Variants in GNB1L observed in about 807,000 individuals in gnomAD.
The protein encoded by GNB1L is G protein subunit beta 1 like, also known as guanine nucleotide-binding protein subunit beta-like protein 1.
A neutral mutation model predicts 29.1 loss-of-function variants in GNB1L; 20 were observed. That is an observed-to-expected ratio of 0.69 (90% confidence interval 0.48 to 1.00). GNB1L has a LOEUF of 1.00. Ranked by LOEUF, GNB1L falls within the 50% of genes least tolerant of loss-of-function variation. The probability of loss-of-function intolerance (pLI) is 0.00; values close to 1 mark genes in which losing one functional copy is unlikely to be tolerated. For synonymous variants in GNB1L, 193 were observed against 206.5 expected, an observed-to-expected ratio of 0.93 and a Z score of 0.56; for missense variants, 421 against 464.9, an observed-to-expected ratio of 0.91 and a Z score of 0.87.
intron 2 of GNB1L, among the ~76,000 whole-genome samples, chr22:19,824,413 G>A (rs961057646): frequency 7.9e-5 from 12 of 152,200 alleles, no homozygotes; most frequent in Admixed American, 3.9e-4. Flanking sequence ...CTGTCCTCCC[G>A]GAGGCAAAGG....
intron 5 of GNB1L, 55 bp downstream of exon 5, chr22:19,812,230 G>A: frequency 1.3e-6 from 2 of 1,560,124 alleles, no homozygotes; most frequent in South Asian, 1.2e-5. Flanking sequence ...ATCAAATGCA[G>A]AGGATGAGCA....
At chr22:19,838,740 T>A (rs1373825148) in intron 2 of GNB1L, among the ~76,000 whole-genome samples, 1 of 152,208 alleles carries the variant, frequency 6.6e-6, no homozygotes, top group Non-Finnish European at 1.5e-5. Flanking sequence ...ATTACAGGCA[T>A]GAACCACTGT....
chr22:19,852,704 GAAGAA>G lies in GNB1L; in HGVS notation c.-21+1734_-21+1738del, dbSNP rs371335016. Among the ~76,000 whole-genome samples, 19 of 152,314 alleles carry G rather than the reference GAAGAA, an allele frequency of 1.2e-4. No homozygotes were observed. The East Asian group carries it at 3.7e-3, about 29-fold the overall frequency. On this transcript the variant is annotated intron_variant, in intron 2 of 7. Coordinates refer to ENST00000329517, the MANE Select transcript of GNB1L (RefSeq NM_053004.3). ...AGAATGACAGATGCTGTCAATTTCA[GAAGAA>G]AAGGGGCCAGATCAGAACTGTCAGG...
chr22:19,822,977 T>G (rs769451452), intron 2 of GNB1L, among the ~76,000 whole-genome samples: 1 of 151,676 alleles, frequency 6.6e-6, no homozygotes, highest in African/African-American at 2.4e-5. Flanking sequence ...TCCTGCAGAG[T>G]GGAGGGTGGA....
At position 19,816,220 on chromosome 22, in the gene GNB1L, C is replaced by T. The variant is rs1372011347; in HGVS notation, c.255-3773G>A. On this transcript the variant is annotated intron_variant, in intron 4 of 7. Coordinates refer to ENST00000329517, the MANE Select transcript of GNB1L (RefSeq NM_053004.3). This position sits in a 1 kb window ranked among gnomAD's most constrained non-coding sequence, Gnocchi z 4.4. ...GGGGACGAGGCCCAGGCCCATATTC[C>T]TCAGATGACACCAGTCGTCACGCTG... Among the ~76,000 whole-genome samples the T allele has an allele frequency of 6.6e-6, 1 of 152,216 alleles. No individual in the cohort carries two copies. The highest frequency in any genetic ancestry group is 1.5e-5 in the Non-Finnish European group (1 of 68,038).
At chr22:19,851,307 G>A in intron 2 of GNB1L, 1 of 1,614,026 alleles carries the variant, frequency 6.2e-7, no homozygotes, top group Non-Finnish European at 8.5e-7. Context: ...GGACCTCCTG[G>A]ATGAGCTGGG....
intron 6 of GNB1L, 109 bp from the exon 7 acceptor site, chr22:19,802,325 T>G: frequency 1.2e-6 from 1 of 812,466 alleles, no homozygotes; most frequent in Non-Finnish European, 2.0e-6. Flanking sequence ...CTGGGGCTGT[T>G]TCCCATGTCT....
In GNB1L at chr22:19,812,288, G is replaced by GTCGCTGCCCC; in HGVS notation, c.404_413dup (p.Asp138GlufsTer52). ...CCTCAGGCAGGCTGGCTCTCACCTC[G>GTCGCTGCCCC]TCGCTGCCCCTCCCTGGCACGGCAA... On this transcript the variant is annotated frameshift_variant, in exon 5 of 8. Transcript: ENST00000329517. LOFTEE classifies it high-confidence loss of function. 2 of 1,612,158 alleles carry GTCGCTGCCCC rather than the reference G, an allele frequency of 1.2e-6. No homozygotes were observed. The highest frequency in any genetic ancestry group is 8.5e-7 in the Non-Finnish European group (1 of 1,179,454).
At chr22:19,800,418 CTG>C (rs984140630) in intron 7 of GNB1L, among the ~76,000 whole-genome samples, 14 of 152,326 alleles carry the variant, frequency 9.2e-5, no homozygotes, top group African/African-American at 3.4e-4. Context: ...CAAGTGAACA[CTG>C]GACCCCATGG....
intron 7 of GNB1L, chr22:19,792,800 C>T (rs1001812049): frequency 6.6e-6 from 9 of 1,363,090 alleles, no homozygotes; most frequent in Non-Finnish European, 9.3e-6. Context: ...TGGTTGTCTT[C>T]TTGCCTGCCT....
chr22:19,788,466 C>T lies in GNB1L; in HGVS notation c.*243G>A. 1.6e-6 allele frequency: 1 copy of T among 620,014 alleles called. No homozygotes were observed. The highest frequency in any genetic ancestry group is 2.8e-5 in the East Asian group (1 of 36,232). The allele number at this position is 620,014 out of a possible 1,614,324, so 38.4% of individuals were successfully genotyped here. A position where few individuals can be genotyped will look rare whatever the true frequency, so the allele number is the denominator to read the frequency against. On this transcript the variant is annotated 3_prime_UTR_variant, in exon 8 of 8. Coordinates refer to ENST00000329517, the MANE Select transcript of GNB1L (RefSeq NM_053004.3). ...ACCCTCAGCTGGCAACACAGCAGGCCCAAGCCAACGTCTCCTGCAGGCCTC... is the reference window on the plus strand; with the variant it reads ...ACCCTCAGCTGGCAACACAGCAGGCTCAAGCCAACGTCTCCTGCAGGCCTC...
intron 7 of GNB1L, chr22:19,792,618 G>A (rs1007892480): frequency 1.3e-6 from 2 of 1,597,470 alleles, no homozygotes; most frequent in Non-Finnish European, 8.5e-7. Context: ...GACAAAGCAA[G>A]AGAAGAAGCA....
chr22:19,845,027 C>T (rs934341251), intron 2 of GNB1L, among the ~76,000 whole-genome samples: 3 of 152,162 alleles, frequency 2.0e-5, no homozygotes, highest in Non-Finnish European at 2.9e-5. Context: ...GAAACTTGGT[C>T]GGAGCTGGAG....
intron 4 of GNB1L, among the ~76,000 whole-genome samples, chr22:19,820,063 C>T (rs971207542): frequency 2.6e-5 from 4 of 152,120 alleles, no homozygotes; most frequent in African/African-American, 9.7e-5. Context: ...GCTCAGCTGC[C>T]GGAACACCCA....
At chr22:19,797,438 T>G (rs923467051) in intron 7 of GNB1L, among the ~76,000 whole-genome samples, 3 of 152,144 alleles carry the variant, frequency 2.0e-5, no homozygotes, top group Admixed American at 2.0e-4. Flanking sequence ...TTAAGAAAAC[T>G]CCAACAATGC....
chr22:19,833,606 G>A (rs1937715868), intron 2 of GNB1L, among the ~76,000 whole-genome samples: 1 of 152,166 alleles, frequency 6.6e-6, no homozygotes, highest in East Asian at 1.9e-4. Flanking sequence ...GTTCACACCT[G>A]TAATCCCAAC....
intron 2 of GNB1L, chr22:19,851,272 C>T (rs1443797619): frequency 1.9e-6 from 3 of 1,612,426 alleles, no homozygotes; most frequent in East Asian, 2.2e-5. Context: ...TCTCCAAAAC[C>T]TCCTCCTCTG....
At chr22:19,839,933 CAT>C (rs1185658098) in intron 2 of GNB1L, among the ~76,000 whole-genome samples, 3 of 151,740 alleles carry the variant, frequency 2.0e-5, no homozygotes, top group Non-Finnish European at 2.9e-5. Context: ...TGTGTTGGCA[CAT>C]GTCTGTAGTC....
At chr22:19,850,703 G>T in intron 2 of GNB1L, 1 of 1,234,404 alleles carries the variant, frequency 8.1e-7, no homozygotes, top group Non-Finnish European at 1.0e-6. Context: ...GAGCAGAGAG[G>T]GTGGGGCTAG....
Sources: allele counts gnomAD v4.1 joint callset (sites outside exome capture counted in the v4.1 genomes callset), GRCh38; gene constraint gnomAD v4.1.1; non-coding constraint Gnocchi (gnomAD v3.1); transcripts MANE v1.5; gene names NCBI Gene and HGNC (gene_info 2026-07-23, HGNC 2026-07-21).